Variants in ROR2 observed in about 807,000 individuals in gnomAD.
The protein encoded by ROR2 is ROR family WNT receptor 2.
ROR2 carries 33 observed loss-of-function variants against 74.9 expected under a neutral mutation model. The ratio of observed to expected loss-of-function variants is 0.44; its 90% confidence interval spans 0.33 to 0.59. The LOEUF is 0.59. ROR2 is among the 20% of genes least tolerant of loss of function. The probability of loss-of-function intolerance (pLI) is 0.02; values close to 1 mark genes in which losing one functional copy is unlikely to be tolerated. For missense variants in ROR2, 1,216 were observed against 1,313.8 expected, an observed-to-expected ratio of 0.93 and a Z score of 1.15; for synonymous variants, 586 against 558.7, an observed-to-expected ratio of 1.05 and a Z score of -0.69.
chr9:91,806,740 C>A (rs1827561322), intron 1 of ROR2, among the ~76,000 whole-genome samples: 2 of 152,282 alleles, frequency 1.3e-5, no homozygotes, highest in South Asian at 4.2e-4. Context: ...CAGGCACCCA[C>A]CACCACACCC....
At chr9:91,792,325 T>C (rs1827014217) in intron 1 of ROR2, among the ~76,000 whole-genome samples, 1 of 141,356 alleles carries the variant, frequency 7.1e-6, no homozygotes, top group South Asian at 2.3e-4. Context: ...TTTTTTTTTT[T>C]GAGACGGAGT....
intron 4 of ROR2, among the ~76,000 whole-genome samples, chr9:91,755,312 C>T (rs1825712412): frequency 6.6e-6 from 1 of 152,236 alleles, no homozygotes; most frequent in African/African-American, 2.4e-5. Context: ...ACACTGCACA[C>T]TTTACCAACC....
chr9:91,839,885 A>G (rs1828731753), intron 1 of ROR2, among the ~76,000 whole-genome samples: 1 of 151,960 alleles, frequency 6.6e-6, no homozygotes, highest in African/African-American at 2.4e-5. Context: ...ACCACCTTTT[A>G]CTTGGGGACA....
chr9:91,876,515 G>A (rs1389342458), intron 1 of ROR2, among the ~76,000 whole-genome samples: 2 of 152,148 alleles, frequency 1.3e-5, no homozygotes, highest in African/African-American at 4.8e-5. Flanking sequence ...CCAATTGTGA[G>A]CTATTGCTTG....
chr9:91,816,198 C>A (rs958069079), intron 1 of ROR2, among the ~76,000 whole-genome samples: 2 of 152,172 alleles, frequency 1.3e-5, no homozygotes, highest in Non-Finnish European at 2.9e-5. Flanking sequence ...CACCAGCAAC[C>A]TTGCTCGGGC....
rs1018546794 is a variant in ROR2, at chr9:91,762,250, T to TC, written c.176-4692dup. Among the ~76,000 whole-genome samples, 11 of 152,194 alleles carry TC rather than the reference T, an allele frequency of 7.2e-5. 1 individual carries two copies. The highest frequency in any genetic ancestry group is 2.7e-4 in the African/African-American group (11 of 41,440). On this transcript the variant is annotated intron_variant, in intron 2 of 8. Transcript: ENST00000375708. Reference sequence around the variant, plus strand: ...GGCCTACCCGGATAAGAGAGAATGATCCTCTTTTCTCAAAATAATTAACTT... The same window carrying TC: ...GGCCTACCCGGATAAGAGAGAATGATCCCTCTTTTCTCAAAATAATTAACTT...
chr9:91,869,732 A>G (rs887776190), intron 1 of ROR2, among the ~76,000 whole-genome samples: 6 of 152,242 alleles, frequency 3.9e-5, no homozygotes, highest in African/African-American at 1.4e-4. Flanking sequence ...TCCCGATTTT[A>G]GCAGTGGCTA....
chr9:91,737,445 T>A lies in ROR2; in HGVS notation c.568A>T (p.Thr190Ser). The A allele has an allele frequency of 6.2e-7, 1 of 1,614,110 alleles. No individual in the cohort carries two copies. The highest frequency in any genetic ancestry group is 8.5e-7 in the Non-Finnish European group (1 of 1,180,028). ...IACARFIGNRTIYVDSLQMQG... is the reference protein window; with the variant it reads ...IACARFIGNRSIYVDSLQMQG... ...ATCTGAAGCGAGTCCACATAAATGG[T>A]CCGGTTGCCAATGAAGCGTGCACAG... is the stretch of plus-strand genomic sequence containing the variant. The change falls in exon 5 of 9, where the codon ACC becomes TCC. Residue 190 changes from threonine to serine, a missense_variant. Transcript: ENST00000375708.
intron 1 of ROR2, among the ~76,000 whole-genome samples, chr9:91,901,574 G>A (rs905867005): frequency 1.3e-5 from 2 of 152,086 alleles, no homozygotes; most frequent in Admixed American, 6.5e-5. Flanking sequence ...CCAGCACTTC[G>A]GGAGGCTAAG....
chr9:91,739,975 G>C (rs760289500), intron 4 of ROR2, among the ~76,000 whole-genome samples: 1 of 152,198 alleles, frequency 6.6e-6, no homozygotes, highest in Non-Finnish European at 1.5e-5. Flanking sequence ...AGACATGCCT[G>C]ATCAGATTAA....
At chr9:91,847,724 C>T (rs774959788) in intron 1 of ROR2, among the ~76,000 whole-genome samples, 89 of 152,142 alleles carry the variant, frequency 5.8e-4, no homozygotes, top group Non-Finnish European at 4.3e-4. Flanking sequence ...CATGATGGAT[C>T]CTGCCCTTGC....
At chr9:91,771,743 C>A (rs1826236120) in intron 2 of ROR2, among the ~76,000 whole-genome samples, 1 of 140,026 alleles carries the variant, frequency 7.1e-6, no homozygotes, top group Non-Finnish European at 1.5e-5. Context: ...TCTCTCGATA[C>A]CATCTACCAA....
At chr9:91,922,099 G>GCAACAACAA (rs556349605) in intron 1 of ROR2, among the ~76,000 whole-genome samples, 48 of 147,678 alleles carry the variant, frequency 3.3e-4, no homozygotes, top group African/African-American at 1.1e-3. Flanking sequence ...CCAAACAACA[G>GCAACAACAA]CAACAACAAC....
At chr9:91,902,342 C>A (rs1482861502) in intron 1 of ROR2, among the ~76,000 whole-genome samples, 2 of 152,166 alleles carry the variant, frequency 1.3e-5, no homozygotes, top group African/African-American at 2.4e-5. Context: ...CTGTCAGGGT[C>A]TTTTCCCTTC....
Position 91,905,103 on chromosome 9 carries a change from T to C in ROR2, c.97+44764A>G, listed in dbSNP as rs1045226479. Among the ~76,000 whole-genome samples, 2 of 147,930 alleles carry C rather than the reference T, an allele frequency of 1.4e-5. No individual in the cohort carries two copies. The highest frequency in any genetic ancestry group is 2.0e-4 in the East Asian group (1 of 4,968). On this transcript the variant is annotated intron_variant, in intron 1 of 8. Transcript: ENST00000375708. This position sits in a 1 kb window ranked among gnomAD's most constrained non-coding sequence, Gnocchi z 5.3. The stretch of plus-strand genomic sequence containing the variant: ...ACACACAGCACATACACAAAACTCA[T>C]ACACCACAAACCACATATCACACAC...
intron 1 of ROR2, among the ~76,000 whole-genome samples, chr9:91,808,109 G>GA (rs59484238): frequency 1.9e-4 from 28 of 149,160 alleles, no homozygotes; most frequent in East Asian, 3.9e-4. Context: ...AATGCTTTAG[G>GA]AAAAAAAAAA....
intron 1 of ROR2, among the ~76,000 whole-genome samples, chr9:91,882,467 G>C (rs1830141908): frequency 1.3e-5 from 2 of 151,242 alleles, no homozygotes; most frequent in Middle Eastern, 3.5e-3. Context: ...ATGAGAGCTG[G>C]AAGGTGGTCT....
intron 1 of ROR2, among the ~76,000 whole-genome samples, chr9:91,825,376 C>G (rs1033399248): frequency 6.6e-6 from 1 of 152,190 alleles, no homozygotes; most frequent in East Asian, 1.9e-4. Flanking sequence ...TGTGGGGCAC[C>G]CGGTGGGCTC....
rs191585486 is a variant in ROR2 at position 91,738,242 on chromosome 9, A to G, written c.495-724T>C. On this transcript the variant is annotated intron_variant, in intron 4 of 8. Transcript: ENST00000375708. ...ACATTAAAATAAGGGAAACTATGAG[A>G]AGGAGGGCGGGAAGACTCTGGATTT... Among the ~76,000 whole-genome samples the G allele has an allele frequency of 6.2e-4, 94 of 152,328 alleles. 1 individual carries two copies. The highest frequency in any genetic ancestry group is 1.2e-4 in the Non-Finnish European group (8 of 68,028).
Sources: allele counts gnomAD v4.1 joint callset (sites outside exome capture counted in the v4.1 genomes callset), GRCh38; gene constraint gnomAD v4.1.1; non-coding constraint Gnocchi (gnomAD v3.1); transcripts MANE v1.5; gene names NCBI Gene and HGNC (gene_info 2026-07-23, HGNC 2026-07-21).